The following ARID3A variants were observed in gnomAD, a reference collection of about 807,000 sequenced individuals.
ARID3A encodes AT-rich interaction domain 3A, also known as AT-rich interactive domain-containing protein 3A.
In ARID3A, 11 loss-of-function variants were observed where a neutral mutation model predicts 52.7. The ratio of observed to expected loss-of-function variants is 0.21; its 90% CI spans 0.13 to 0.35. The LOEUF (loss-of-function observed/expected upper bound fraction) is 0.35, where lower values mean the gene tolerates loss of function less well. Among genes scored for constraint, ARID3A ranks in the 10% least tolerant of loss-of-function variants. The pLI, the probability that ARID3A is intolerant of heterozygous loss-of-function variation, is 1.00. For missense variants in ARID3A, 721 were observed against 838.5 expected (o/e 0.86, Z 1.73); for synonymous variants, 404 against 359.4 (o/e 1.12, Z -1.40).
Position 960,923 on chromosome 19 carries a change from C to T in ARID3A, c.766+759C>T, listed in dbSNP as rs1460401972. Among the ~76,000 whole-genome samples the T allele has an allele frequency of 4.6e-5, 7 of 152,178 alleles. No individual in the cohort carries two copies. Among genetic ancestry groups the T allele is most frequent in the Non-Finnish European group, 7.3e-5 (5 of 68,028 alleles). ...ACAGACTCAGACGACCAAGGGTAGC[C>T]GGGGTGTCCCAGCGGCCATTCCCAG... On this transcript the variant is annotated intron_variant, in intron 4 of 8. Transcript: ENST00000263620. This position sits in a 1 kb window ranked among gnomAD's most constrained non-coding sequence, Gnocchi z 4.3.
intron 8 of ARID3A, among the ~76,000 whole-genome samples, 198 bp from the exon 9 acceptor site, chr19:971,680 G>C (rs114631698): frequency 0.032 from 4,918 of 152,110 alleles, 301 homozygotes; most frequent in African/African-American, 0.11. Flanking sequence ...TCAGCTACTC[G>C]GGAGGCTGAG....
At chr19:953,683 G>A (rs1349790061) in intron 3 of ARID3A, among the ~76,000 whole-genome samples, 1 of 152,224 alleles carries the variant, frequency 6.6e-6, no homozygotes, top group Non-Finnish European at 1.5e-5. Flanking sequence ...CGTTTGGGCG[G>A]GAAGGCAGGA....
chr19:959,599 G>C lies in ARID3A; in HGVS notation c.694-493G>C, dbSNP rs1162142557. ...GTTGGTTTTGGACTTCTGGGCTCCG[G>C]GACCGCGGGAGAATAGATTTCTGTT... On this transcript the variant is annotated intron_variant, in intron 3 of 8. Transcript: ENST00000263620. The surrounding 1 kb of genome is among the most constrained non-coding windows in gnomAD (Gnocchi z 5.0). Among the ~76,000 whole-genome samples the C allele has an allele frequency of 6.6e-6, 1 of 152,142 alleles. No individual in the cohort carries two copies. The highest frequency in any genetic ancestry group is 2.4e-5 in the African/African-American group (1 of 41,426).
chr19:944,468 G>A lies in ARID3A; in HGVS notation c.693+11726G>A, dbSNP rs904518878. ...GCCACGGCCTCAGCCCCGTTGCTTC[G>A]GTCGATGCCCCCAAACCTTGACCCA... On this transcript the variant is annotated intron_variant, in intron 3 of 8. Coordinates refer to ENST00000263620, the MANE Select transcript of ARID3A (RefSeq NM_005224.3). The surrounding 1 kb of genome is among the most constrained non-coding windows in gnomAD (Gnocchi z 5.9). 2.0e-5 allele frequency among the ~76,000 whole-genome samples: 3 copies of A among 152,088 alleles called. No individual in the cohort carries two copies. The highest frequency in any genetic ancestry group is 6.6e-5 in the Admixed American group (1 of 15,262).
chr19:969,308 G>A (rs1015452003), intron 8 of ARID3A, among the ~76,000 whole-genome samples: 5 of 151,850 alleles, frequency 3.3e-5, no homozygotes, highest in African/African-American at 7.3e-5. Context: ...AGGTTAACAC[G>A]GGAGGATCAC....
intron 7 of ARID3A, among the ~76,000 whole-genome samples, chr19:968,201 A>G (rs2038201210): frequency 6.6e-6 from 1 of 151,790 alleles, no homozygotes; most frequent in African/African-American, 2.4e-5. Context: ...TCTACTAAAA[A>G]TACAAAAAAT....
chr19:949,224 C>T (rs542959520), intron 3 of ARID3A, among the ~76,000 whole-genome samples: 7 of 152,312 alleles, frequency 4.6e-5, no homozygotes, highest in South Asian at 2.1e-4. Context: ...TGCTGGGTCC[C>T]GCCCTGCCCA....
intron 3 of ARID3A, among the ~76,000 whole-genome samples, chr19:953,480 C>CCT (rs113785306): frequency 0.07 from 10,664 of 152,058 alleles, 731 homozygotes; most frequent in East Asian, 0.17. Flanking sequence ...CCCACACCCC[C>CCT]CCCCGTGCAG....
rs2038208986 is a variant in ARID3A, at chr19:968,429, C to T, written c.1520C>T (p.Ala507Val). 1.9e-6 allele frequency: 3 copies of T among 1,614,040 alleles called. No individual in the cohort carries two copies. Among genetic ancestry groups the T allele is most frequent in the Non-Finnish European group, 2.5e-6 (3 of 1,179,932 alleles). ...SQASESRQDS[A>V]VNLTGTNGSN... Reference sequence around the variant, plus strand: ...GCCTCCGAAAGCCGCCAGGACTCTGCTGTGAACCTGACGGGCACCAACGGC... The same window carrying T: ...GCCTCCGAAAGCCGCCAGGACTCTGTTGTGAACCTGACGGGCACCAACGGC... The change falls in exon 8 of 9, where the codon GCT (alanine) becomes GTT (valine). Residue 507 changes from alanine to valine, a missense_variant. Coordinates refer to ENST00000263620, the MANE Select transcript of ARID3A (RefSeq NM_005224.3).
chr19:948,511 C>G (rs1000707056), intron 3 of ARID3A, among the ~76,000 whole-genome samples: 2 of 152,046 alleles, frequency 1.3e-5, no homozygotes, highest in East Asian at 1.9e-4. Context: ...AACTGAGGCC[C>G]GGAGAATGGG....
At chr19:966,516 G>C (rs2038159713) in intron 6 of ARID3A, 56 bp from the exon 7 acceptor site, 1 of 1,379,152 alleles carries the variant, frequency 7.3e-7, no homozygotes, top group Non-Finnish European at 9.8e-7. Context: ...CCTGCCTTGA[G>C]TGGAAGGCAG....
rs774570726 is a variant in ARID3A at position 929,745 on chromosome 19, G to A, written c.217G>A (p.Gly73Arg). Residue 73 changes from glycine (G) to arginine (R), a missense_variant, in exon 2 of 9, where the codon GGA (glycine) becomes AGA (arginine). Transcript: ENST00000263620. The surrounding 1 kb of genome is among the most constrained non-coding windows in gnomAD (Gnocchi z 6.2). ...AAMRAAAAGL[G>R]HPASPGGSED... is the part of the protein sequence containing the mutation. The stretch of plus-strand genomic sequence containing the variant: ...CATGCGGGCTGCAGCTGCGGGCCTG[G>A]GACACCCAGCCAGCCCCGGCGGCTC... 9.0e-6 allele frequency: 14 copies of A among 1,557,080 alleles called. No homozygotes were observed. The highest frequency in any genetic ancestry group is 1.2e-5 in the Non-Finnish European group (14 of 1,158,588).
intron 3 of ARID3A, among the ~76,000 whole-genome samples, chr19:949,901 C>T (rs1339020278): frequency 2.0e-5 from 3 of 152,014 alleles, no homozygotes; most frequent in Non-Finnish European, 4.4e-5. Flanking sequence ...GGACTCCTGA[C>T]CTCAGGTGAT....
chr19:968,624 G>A (rs1403282957), intron 8 of ARID3A, 121 bp downstream of exon 8: 11 of 810,598 alleles, frequency 1.4e-5, no homozygotes, highest in African/African-American at 5.2e-5. Flanking sequence ...AGCAGGGCAC[G>A]GCCAGGGGCT....
At chr19:954,797 C>T (rs1003042447) in intron 3 of ARID3A, among the ~76,000 whole-genome samples, 2 of 151,776 alleles carry the variant, frequency 1.3e-5, no homozygotes, top group Non-Finnish European at 2.9e-5. Context: ...GGAGGAACAG[C>T]CGGGGCGAAG....
rs2037701612 is a variant in ARID3A, at chr19:947,087, G to T, written c.694-13005G>T. On this transcript the variant is annotated intron_variant, in intron 3 of 8. Transcript: ENST00000263620. This position sits in a 1 kb window ranked among gnomAD's most constrained non-coding sequence, Gnocchi z 6.3. Reference sequence around the variant, plus strand: ...TGGGATCAAAGGTGGGAGCCACTGTGCCCAGCCCACACTGAGATTCTGCAT... The same window carrying T: ...TGGGATCAAAGGTGGGAGCCACTGTTCCCAGCCCACACTGAGATTCTGCAT... Among the ~76,000 whole-genome samples the T allele has an allele frequency of 6.6e-6, 1 of 151,926 alleles. No individual in the cohort carries two copies. Among genetic ancestry groups the T allele is most frequent in the Admixed American group, 6.6e-5 (1 of 15,226 alleles).
At chr19:952,528 A>C (rs1272185519) in intron 3 of ARID3A, among the ~76,000 whole-genome samples, 1 of 149,024 alleles carries the variant, frequency 6.7e-6, no homozygotes, top group African/African-American at 2.5e-5. Context: ...ACCCTCCTGG[A>C]GGCTCAGTCA....
At chr19:971,766 G>T in intron 8 of ARID3A, 112 bp from the exon 9 acceptor site, 1 of 1,355,522 alleles carries the variant, frequency 7.4e-7, no homozygotes, top group Non-Finnish European at 9.8e-7. Flanking sequence ...TAGCCTGGGG[G>T]ACAGAGTGAG....
At position 929,795 on chromosome 19, in the gene ARID3A, G is replaced by A. The variant is rs2037282522; in HGVS notation, c.267G>A (p.Glu89=). 6 of 1,548,316 alleles carry A rather than the reference G, an allele frequency of 3.9e-6. No individual in the cohort carries two copies. In the African/African-American group the frequency reaches 6.8e-5, roughly 18 times the overall value. The part of the protein sequence containing the change: ...GGSEDGPPGS[E]EEDAAREGTP... The stretch of plus-strand genomic sequence containing the variant: ...CTGAGGATGGGCCCCCAGGCTCGGA[G>A]GAGGAGGACGCGGCCCGGGAGGGGA... The change falls in exon 2 of 9, where the codon GAG becomes GAA. Residue 89 remains glutamate (E), a synonymous_variant. Transcript: ENST00000263620. This position sits in a 1 kb window ranked among gnomAD's most constrained non-coding sequence, Gnocchi z 6.2.
Sources: allele counts gnomAD v4.1 joint callset (sites outside exome capture counted in the v4.1 genomes callset), GRCh38; gene constraint gnomAD v4.1.1; non-coding constraint Gnocchi (gnomAD v3.1); transcripts MANE v1.5; gene names NCBI Gene and HGNC (gene_info 2026-07-23, HGNC 2026-07-21).